SCHIP1: variants seen among roughly 807,000 people sequenced by gnomAD.
The protein encoded by SCHIP1 is schwannomin-interacting protein 1.
Under a neutral mutation model 29.7 loss-of-function variants are expected in SCHIP1, and 8 were observed. The ratio of observed to expected loss-of-function variants is 0.27; its 90% confidence interval spans 0.16 to 0.49. The LOEUF (loss-of-function observed/expected upper bound fraction) is 0.49. Ranked by LOEUF, SCHIP1 falls within the 20% of genes least tolerant of loss-of-function variation. The pLI is 0.99. For synonymous variants in SCHIP1, 76 were observed against 94.9 expected (o/e 0.80, Z 1.16); for missense variants, 193 against 294.6 (o/e 0.66, Z 2.52).
chr3:159,399,768 C>T, the SCHIP1 span, among the ~76,000 whole-genome samples: 2 of 152,140 alleles, frequency 1.3e-5, no homozygotes, highest in Admixed American at 6.6e-5. Flanking sequence ...CCTCAAAATC[C>T]TGGGCTCAAG....
At chr3:159,586,659 C>T in the SCHIP1 span, among the ~76,000 whole-genome samples, 1 of 152,092 alleles carries the variant, frequency 6.6e-6, no homozygotes, top group African/African-American at 2.4e-5. Flanking sequence ...ACTTGCTTAT[C>T]TCATTTCCTG....
At chr3:159,275,787 T>A in the SCHIP1 span, among the ~76,000 whole-genome samples, 3 of 152,202 alleles carry the variant, frequency 2.0e-5, no homozygotes, top group Non-Finnish European at 2.9e-5. Flanking sequence ...TAGAAAAATG[T>A]TCAGAGCTAA....
the SCHIP1 span, among the ~76,000 whole-genome samples, chr3:159,644,151 A>G: frequency 6.6e-6 from 1 of 152,040 alleles, no homozygotes; most frequent in Non-Finnish European, 1.5e-5. Flanking sequence ...CCAGTAATGT[A>G]CTCTAATAGA....
the SCHIP1 span, among the ~76,000 whole-genome samples, chr3:159,588,895 G>C: frequency 5.9e-5 from 9 of 152,298 alleles, no homozygotes; most frequent in East Asian, 1.9e-4. Flanking sequence ...GTCAGGTAGC[G>C]TGATGCCTCC....
At chr3:159,841,436 A>G (rs1744208184) in intron 1 of SCHIP1, among the ~76,000 whole-genome samples, 1 of 152,198 alleles carries the variant, frequency 6.6e-6, no homozygotes, top group Non-Finnish European at 1.5e-5. Flanking sequence ...GAAAAAAACC[A>G]ACATGTCACT....
the SCHIP1 span, among the ~76,000 whole-genome samples, chr3:159,714,710 A>C: frequency 6.6e-6 from 1 of 152,210 alleles, no homozygotes; most frequent in Non-Finnish European, 1.5e-5. Context: ...GGTGCCCGCC[A>C]TTGCTGAGGC....
intron 2 of SCHIP1, among the ~76,000 whole-genome samples, chr3:159,868,091 G>A (rs917117840): frequency 3.4e-4 from 50 of 147,576 alleles, no homozygotes; most frequent in African/African-American, 5.0e-4. Context: ...TATAACATAC[G>A]TATATATTAG....
the SCHIP1 span, among the ~76,000 whole-genome samples, chr3:159,336,336 C>T: frequency 1.2e-4 from 19 of 152,132 alleles, no homozygotes; most frequent in Non-Finnish European, 1.5e-4. Flanking sequence ...TGTGCAGAAG[C>T]TCTTTATTTT....
chr3:159,397,786 C>A, the SCHIP1 span, among the ~76,000 whole-genome samples: 1 of 152,162 alleles, frequency 6.6e-6, no homozygotes, highest in Non-Finnish European at 1.5e-5. Flanking sequence ...TTGTCTGTGC[C>A]CTGCCCCCAG....
At chr3:159,840,087 G>A (rs1744079629) in exon 1 of SCHIP1, 3 of 1,526,240 alleles carry the variant, frequency 2.0e-6, no homozygotes, top group Non-Finnish European at 2.6e-6. Context: ...TGCCTTACCA[G>A]GGCGTTCTCT....
At chr3:159,279,692 G>A in the SCHIP1 span, among the ~76,000 whole-genome samples, 1 of 151,908 alleles carries the variant, frequency 6.6e-6, no homozygotes, top group Non-Finnish European at 1.5e-5. Flanking sequence ...TCTTCAGGTT[G>A]CAAACTATAG....
the SCHIP1 span, among the ~76,000 whole-genome samples, chr3:159,493,318 A>G: frequency 6.6e-6 from 1 of 152,258 alleles, no homozygotes; most frequent in Non-Finnish European, 1.5e-5. Flanking sequence ...AATTGGATAA[A>G]GAGTCAAGAC....
chr3:159,819,801 A>G, the SCHIP1 span, among the ~76,000 whole-genome samples: 1 of 152,236 alleles, frequency 6.6e-6, no homozygotes. Flanking sequence ...ACTGCAGGCC[A>G]GTAGCCTAAG....
chr3:159,812,540 G>A, the SCHIP1 span, among the ~76,000 whole-genome samples: 3 of 152,190 alleles, frequency 2.0e-5, no homozygotes, highest in African/African-American at 7.2e-5. Context: ...TGCATATCCA[G>A]TCCAAATGAA....
intron 1 of SCHIP1, among the ~76,000 whole-genome samples, chr3:159,857,565 C>A (rs1277436554): frequency 2.0e-5 from 3 of 152,070 alleles, no homozygotes; most frequent in African/African-American, 7.2e-5. Flanking sequence ...CAAAAAGAAA[C>A]CCCGTACCCA....
the SCHIP1 span, among the ~76,000 whole-genome samples, chr3:159,676,985 A>G: frequency 1.3e-5 from 2 of 152,142 alleles, no homozygotes; most frequent in Non-Finnish European, 2.9e-5. Context: ...GGTTATGCCT[A>G]CTAACAACAC....
chr3:159,877,299 G>T (rs576810746), intron 2 of SCHIP1, among the ~76,000 whole-genome samples: 1 of 152,162 alleles, frequency 6.6e-6, no homozygotes, highest in African/African-American at 2.4e-5. Context: ...GCAGTGAGCC[G>T]AGATCACCCC....
chr3:159,367,858 A>C, the SCHIP1 span, among the ~76,000 whole-genome samples: 1 of 152,248 alleles, frequency 6.6e-6, no homozygotes, highest in African/African-American at 2.4e-5. Context: ...AAGATAGCAT[A>C]TCATTAATTG....
chr3:159,755,756 T>TG, the SCHIP1 span, among the ~76,000 whole-genome samples: 1 of 152,182 alleles, frequency 6.6e-6, no homozygotes, highest in African/African-American at 2.4e-5. Flanking sequence ...CTAAATACAA[T>TG]GGGGGTACAG....
Sources: allele counts gnomAD v4.1 joint callset (sites outside exome capture counted in the v4.1 genomes callset), GRCh38; gene constraint gnomAD v4.1.1; transcripts MANE v1.5; gene names NCBI Gene and HGNC (gene_info 2026-07-23, HGNC 2026-07-21).